Variants in LPP observed in about 807,000 individuals in gnomAD.
The protein encoded by LPP is lipoma-preferred partner.
Under a neutral mutation model 60.4 loss-of-function variants are expected in LPP, and 38 were observed. The ratio of observed to expected loss-of-function variants is 0.63; its 90% confidence interval spans 0.49 to 0.83. LPP has a LOEUF of 0.83. Ranked by LOEUF, LPP falls within the 40% of genes least tolerant of loss-of-function variation. LPP has a pLI of 0.00. For missense variants in LPP, 902 were observed against 783.6 expected (o/e 1.15, Z -1.80); for synonymous variants, 328 against 290.8 (o/e 1.13, Z -1.30).
At chr3:188,592,557 G>GTTTTTTTTTTTTT (rs1553936333) in intron 6 of LPP, among the ~76,000 whole-genome samples, 2 of 85,746 alleles carry the variant, frequency 2.3e-5, no homozygotes, top group African/African-American at 9.0e-5. Flanking sequence ...TTTTGTTTTT[G>GTTTTTTTTTTTTT]TTTTTTAAAT....
chr3:188,670,318 T>C (rs1312532929), intron 7 of LPP, among the ~76,000 whole-genome samples: 1 of 152,180 alleles, frequency 6.6e-6, no homozygotes. Flanking sequence ...TTAGAAGACA[T>C]GCCCTGAATC....
intron 3 of LPP, among the ~76,000 whole-genome samples, chr3:188,405,896 TCTC>T: frequency 1.0e-4 from 1 of 9,892 alleles, no homozygotes; most frequent in East Asian, 3.1e-3. Context: ...TTTCTTTCTT[TCTC>T]CTTTTCCTCT....
At chr3:188,720,114 T>C (rs973702075) in intron 8 of LPP, among the ~76,000 whole-genome samples, 1 of 152,200 alleles carries the variant, frequency 6.6e-6, no homozygotes, top group Non-Finnish European at 1.5e-5. Flanking sequence ...GGTTTTACCA[T>C]ATTGATCAGG....
At chr3:188,511,417 TC>T (rs1270258356) in intron 5 of LPP, among the ~76,000 whole-genome samples, 1 of 148,518 alleles carries the variant, frequency 6.7e-6, no homozygotes, top group East Asian at 2.1e-4. Context: ...ATGAAACCTA[TC>T]CTAAATGGAG....
intron 2 of LPP, among the ~76,000 whole-genome samples, chr3:188,275,377 T>C (rs1465139589): frequency 6.6e-6 from 1 of 152,180 alleles, no homozygotes; most frequent in Admixed American, 6.5e-5. Flanking sequence ...TATTTACAAA[T>C]GAGGTCTCCC....
chr3:188,646,444 A>G (rs1041655858), intron 7 of LPP, among the ~76,000 whole-genome samples: 1 of 152,188 alleles, frequency 6.6e-6, no homozygotes, highest in Admixed American at 6.5e-5. Context: ...TTTGCATACA[A>G]AGTACTATAA....
At chr3:188,353,505 A>G (rs1766575301) in intron 3 of LPP, among the ~76,000 whole-genome samples, 1 of 152,218 alleles carries the variant, frequency 6.6e-6, no homozygotes, top group Non-Finnish European at 1.5e-5. Context: ...AAAAAATTCA[A>G]TTGACTGCTC....
At chr3:188,380,866 C>G (rs540155520) in intron 3 of LPP, among the ~76,000 whole-genome samples, 2 of 152,320 alleles carry the variant, frequency 1.3e-5, no homozygotes, top group African/African-American at 4.8e-5. Flanking sequence ...CTTGTGTTAT[C>G]TCATTCAGTC....
At chr3:188,638,330 A>C (rs1849281858) in intron 7 of LPP, among the ~76,000 whole-genome samples, 1 of 149,714 alleles carries the variant, frequency 6.7e-6, no homozygotes, top group South Asian at 2.1e-4. Context: ...CATGCTAAAA[A>C]CTCTCAATAA....
intron 2 of LPP, among the ~76,000 whole-genome samples, chr3:188,261,009 G>T (rs1255818375): frequency 6.6e-6 from 1 of 152,112 alleles, no homozygotes; most frequent in East Asian, 1.9e-4. Context: ...GGAGGCGGAG[G>T]TTGCAGTGAG....
At chr3:188,385,385 G>A (rs1041890412) in intron 3 of LPP, among the ~76,000 whole-genome samples, 1 of 152,118 alleles carries the variant, frequency 6.6e-6, no homozygotes. Flanking sequence ...TTCCTTCCTC[G>A]TGACAGAGCT....
At chr3:188,774,972 G>T (rs1373111859) in intron 9 of LPP, among the ~76,000 whole-genome samples, 1 of 151,726 alleles carries the variant, frequency 6.6e-6, no homozygotes, top group Non-Finnish European at 1.5e-5. Context: ...CTATAGATCT[G>T]TAAGTGCATA....
intron 1 of LPP, among the ~76,000 whole-genome samples, chr3:188,197,763 G>T (rs938104548): frequency 2.6e-5 from 4 of 152,230 alleles, no homozygotes; most frequent in East Asian, 1.9e-4. Flanking sequence ...GAAGGGCAGG[G>T]CTTATGACAT....
intron 2 of LPP, among the ~76,000 whole-genome samples, chr3:188,321,403 G>A (rs1185118445): frequency 1.3e-5 from 2 of 152,170 alleles, no homozygotes; most frequent in Non-Finnish European, 2.9e-5. Flanking sequence ...AATGGTGTAT[G>A]TGGCTCCTAT....
At chr3:188,344,757 G>A (rs1763888040) in intron 3 of LPP, among the ~76,000 whole-genome samples, 2 of 152,092 alleles carry the variant, frequency 1.3e-5, no homozygotes, top group Admixed American at 1.3e-4. Flanking sequence ...TGTAAGAATG[G>A]GCATTTATAC....
At chr3:188,822,059 T>C (rs920820357) in intron 9 of LPP, among the ~76,000 whole-genome samples, 1 of 152,110 alleles carries the variant, frequency 6.6e-6, no homozygotes, top group Non-Finnish European at 1.5e-5. Context: ...TTTTCTGCTC[T>C]TCCTAAAGAT....
At position 188,630,222 on chromosome 3, in the gene LPP, A is replaced by C. The variant is rs527749725; in HGVS notation, c.1113+20378A>C. The stretch of plus-strand genomic sequence containing the variant: ...GAGAGAAAATATTTGCAAACTATGC[A>C]TCTGACAGAAGTCTGATATTGAGAA... On this transcript the variant is annotated intron_variant, in intron 7 of 11. Transcript: ENST00000617246. Among the ~76,000 whole-genome samples, 30 of 152,338 alleles carry C rather than the reference A, an allele frequency of 2.0e-4. 1 individual carries two copies. The South Asian group carries it at 6.0e-3, about 30-fold the overall frequency.
chr3:188,847,722 G>A (rs914112314), intron 9 of LPP, among the ~76,000 whole-genome samples: 7 of 152,166 alleles, frequency 4.6e-5, no homozygotes, highest in Non-Finnish European at 8.8e-5. Flanking sequence ...AACAAATCAA[G>A]AAATTGGGAT....
intron 4 of LPP, among the ~76,000 whole-genome samples, chr3:188,429,171 A>G (rs1790270465): frequency 2.0e-5 from 3 of 152,326 alleles, no homozygotes; most frequent in South Asian, 2.1e-4. Flanking sequence ...GAAACATTAC[A>G]TTATTATTAT....
Sources: gnomAD v4.1 joint callset for allele counts (sites outside exome capture counted in the v4.1 genomes callset) on GRCh38, gnomAD v4.1.1 for gene constraint, MANE v1.5 for transcripts, NCBI Gene and HGNC (gene_info 2026-07-23, HGNC 2026-07-21) for gene names.